Variants in MTARC1 observed in about 807,000 individuals in gnomAD.
MTARC1 encodes mitochondrial amidoxime reducing component 1, also known as mitochondrial amidoxime-reducing component 1.
MTARC1 carries 24 observed loss-of-function variants against 33.6 expected under a neutral mutation model. That is an observed-to-expected ratio of 0.72 (90% CI 0.52 to 1.01). MTARC1 has a LOEUF of 1.01. Among genes scored for constraint, MTARC1 ranks in the 50% least tolerant of loss-of-function variants. MTARC1 has a pLI of 0.00. For missense variants in MTARC1, 417 were observed against 445.7 expected (o/e 0.94, Z 0.58); for synonymous variants, 187 against 189.5 (o/e 0.99, Z 0.11).
rs1227948932 is a variant in MTARC1 at position 220,815,402 on chromosome 1, C to G, written c.*1984C>G. Reference sequence around the variant, plus strand: ...TAACAGCCACTTCTCTGTGCCCCGTCCGGGCAGTAACCATCATTCTCCATG... The same window carrying G: ...TAACAGCCACTTCTCTGTGCCCCGTGCGGGCAGTAACCATCATTCTCCATG... On this transcript the variant is annotated 3_prime_UTR_variant, in exon 7 of 7. Coordinates refer to ENST00000366910, the MANE Select transcript of MTARC1 (RefSeq NM_022746.4). 6.6e-6 allele frequency: 1 copy of G among 152,198 alleles called. No homozygotes were observed. The highest frequency in any genetic ancestry group is 1.5e-5 in the Non-Finnish European group (1 of 68,048). The allele number at this position is 152,198 out of a possible 1,614,324, so 9.4% of individuals were successfully genotyped here. A position where few individuals can be genotyped will look rare whatever the true frequency, so the allele number is the denominator to read the frequency against.
At chr1:220,800,162 T>A (rs1672744211) in intron 4 of MTARC1, among the ~76,000 whole-genome samples, 1 of 149,984 alleles carries the variant, frequency 6.7e-6, no homozygotes, top group South Asian at 2.1e-4. Context: ...ATCTCGGAGA[T>A]TTCTTTCAAT....
chr1:220,787,424 G>T (rs567182658), intron 1 of MTARC1, among the ~76,000 whole-genome samples: 1 of 152,342 alleles, frequency 6.6e-6, no homozygotes, highest in East Asian at 1.9e-4. Context: ...GGGACTCTGA[G>T]CGCGTGGACC....
At chr1:220,794,119 A>G (rs1018306705) in intron 2 of MTARC1, 3 of 152,232 alleles carry the variant, frequency 2.0e-5, no homozygotes, top group Admixed American at 6.5e-5. Context: ...AAGGAGTCAA[A>G]GCAGCCTTCC....
chr1:220,801,207 C>A (rs1267104795), intron 4 of MTARC1, among the ~76,000 whole-genome samples: 1 of 152,166 alleles, frequency 6.6e-6, no homozygotes, highest in Non-Finnish European at 1.5e-5. Flanking sequence ...CTCTCTTACT[C>A]TGCCCCAGCC....
chr1:220,801,399 T>A (rs1193664429), intron 4 of MTARC1, among the ~76,000 whole-genome samples: 1 of 151,776 alleles, frequency 6.6e-6, no homozygotes, highest in Non-Finnish European at 1.5e-5. Context: ...CAGGTATCAG[T>A]GTATTGTCTG....
intron 1 of MTARC1, among the ~76,000 whole-genome samples, chr1:220,790,613 G>A (rs1672392708): frequency 6.6e-6 from 1 of 152,170 alleles, no homozygotes; most frequent in Admixed American, 6.5e-5. Flanking sequence ...TAACCTGCTG[G>A]AAGTGATGCA....
chr1:220,798,028 C>A lies in MTARC1; in HGVS notation c.753+14C>A. On this transcript the variant is annotated intron_variant, in intron 4 of 6. Transcript: ENST00000366910. The stretch of plus-strand genomic sequence containing the variant: ...GTCTATGCAGAGGTAACACTATGCC[C>A]CTTTGGATCTTTCCTTGGATTTGAC... The A allele has an allele frequency of 1.9e-6, 3 of 1,614,040 alleles. No individual in the cohort carries two copies. Among genetic ancestry groups the A allele is most frequent in the Non-Finnish European group, 2.5e-6 (3 of 1,180,000 alleles).
In MTARC1 at chr1:220,815,066, G is replaced by A. The variant is rs552223529; in HGVS notation, c.*1648G>A. The A allele has an allele frequency of 5.9e-5, 9 of 152,354 alleles. No homozygotes were observed. Among genetic ancestry groups the A allele is most frequent in the East Asian group, 1.9e-4 (1 of 5,184 alleles). The allele number at this position is 152,354 out of a possible 1,614,324, so 9.4% of individuals were successfully genotyped here. ...TTGTTTTCTGCATGCTTGGCATGAGGTGAATAATTACATCAATTTTCCAGA... is the reference window on the plus strand; with the variant it reads ...TTGTTTTCTGCATGCTTGGCATGAGATGAATAATTACATCAATTTTCCAGA... On this transcript the variant is annotated 3_prime_UTR_variant, in exon 7 of 7. Coordinates refer to ENST00000366910, the MANE Select transcript of MTARC1 (RefSeq NM_022746.4).
intron 4 of MTARC1, chr1:220,798,409 G>A (rs1164908487): frequency 1.7e-6 from 2 of 1,174,528 alleles, no homozygotes; most frequent in African/African-American, 3.2e-5. Context: ...GAGAAGACAG[G>A]CATTTACTGC....
chr1:220,798,189 G>T, intron 4 of MTARC1, 175 bp downstream of exon 4: 1 of 1,545,914 alleles, frequency 6.5e-7, no homozygotes, highest in Non-Finnish European at 8.7e-7. Context: ...CTTCTGTGTG[G>T]AGGATACAAA....
intron 1 of MTARC1, among the ~76,000 whole-genome samples, chr1:220,788,633 C>CA (rs544227365): frequency 2.7e-3 from 411 of 151,912 alleles, no homozygotes; most frequent in Middle Eastern, 0.014. Flanking sequence ...CTAAAAAATA[C>CA]AAAAAATTAG....
chr1:220,805,250 A>T lies in MTARC1; in HGVS notation c.863A>T (p.Lys288Met). ...VDPDTGVMSR[K>M]EPLETLKSYR... Reference sequence around the variant, plus strand: ...CCAGACACCGGTGTCATGAGCAGGAAGGAACCGCTGGAAACACTGAAGAGG... The same window carrying T: ...CCAGACACCGGTGTCATGAGCAGGATGGAACCGCTGGAAACACTGAAGAGG... Residue 288 changes from lysine (K) to methionine (M), a missense_variant, in exon 6 of 7, where the codon AAG (lysine) becomes ATG (methionine). By Grantham distance (95) the Lys-to-Met change is moderately conservative. Transcript: ENST00000366910. The T allele has an allele frequency of 6.2e-7, 1 of 1,613,452 alleles. No individual in the cohort carries two copies. The highest frequency in any genetic ancestry group is 8.5e-7 in the Non-Finnish European group (1 of 1,180,022).
At chr1:220,796,221 G>T (rs1286155429) in intron 2 of MTARC1, among the ~76,000 whole-genome samples, 2 of 151,984 alleles carry the variant, frequency 1.3e-5, no homozygotes, top group African/African-American at 4.8e-5. Flanking sequence ...TACTATACTG[G>T]CAAAGCATAG....
At chr1:220,798,909 A>G in intron 4 of MTARC1, 1 of 985,430 alleles carries the variant, frequency 1.0e-6, no homozygotes, top group African/African-American at 1.7e-5. Context: ...CTTTTGCTGT[A>G]CGGAGGCAAA....
At chr1:220,796,397 G>A (rs765174907) in intron 2 of MTARC1, among the ~76,000 whole-genome samples, 10 of 152,144 alleles carry the variant, frequency 6.6e-5, no homozygotes, top group Non-Finnish European at 1.3e-4. Context: ...CTTCCAGGTA[G>A]GGAGACACAG....
intron 2 of MTARC1, among the ~76,000 whole-genome samples, chr1:220,795,259 C>T (rs1329108426): frequency 1.3e-5 from 2 of 152,126 alleles, no homozygotes; most frequent in East Asian, 1.9e-4. Context: ...ATCCTCACAA[C>T]AAAGTTCTGC....
intron 1 of MTARC1, among the ~76,000 whole-genome samples, chr1:220,790,495 C>T (rs34358060): frequency 0.025 from 3,845 of 152,266 alleles, 148 homozygotes; most frequent in African/African-American, 0.087. Flanking sequence ...GGATTTGGGT[C>T]AGGGCAGGCC....
At chr1:220,792,363 A>T (rs1180624490) in intron 2 of MTARC1, among the ~76,000 whole-genome samples, 1 of 152,220 alleles carries the variant, frequency 6.6e-6, no homozygotes, top group East Asian at 1.9e-4. Flanking sequence ...TTATCTGATT[A>T]TGGGAAAATT....
Position 220,802,891 on chromosome 1 carries a change from C to G in MTARC1, c.754-2161C>G, listed in dbSNP as rs186068836. Among the ~76,000 whole-genome samples, 703 of 152,292 alleles carry G rather than the reference C, an allele frequency of 4.6e-3. 14 individuals carry two copies. The highest frequency in any genetic ancestry group is 4.5e-3 in the Non-Finnish European group (308 of 68,034). On this transcript the variant is annotated intron_variant, in intron 4 of 6. Coordinates refer to ENST00000366910, the MANE Select transcript of MTARC1 (RefSeq NM_022746.4). ...TAGAGCTGATCAGCGTGATCTCTCC[C>G]GCTCTAAAAGTTTGTAACAAATCAT...
Sources: gnomAD v4.1 joint callset for allele counts (sites outside exome capture counted in the v4.1 genomes callset) on GRCh38, gnomAD v4.1.1 for gene constraint, MANE v1.5 for transcripts, NCBI Gene and HGNC (gene_info 2026-07-23, HGNC 2026-07-21) for gene names.